The following RSU1 variants were observed in gnomAD, a reference collection of about 807,000 sequenced individuals.
RSU1 encodes rsu-1.
In RSU1, 26 loss-of-function variants were observed where a neutral mutation model predicts 31.1. The ratio of observed to expected loss-of-function variants is 0.84; its 90% CI spans 0.61 to 1.16. The LOEUF (loss-of-function observed/expected upper bound fraction) is 1.16. Ranked by LOEUF, RSU1 falls within the 50% of genes most tolerant of loss-of-function variation. RSU1 has a pLI of 0.00. For synonymous variants in RSU1, 164 were observed against 136.3 expected, an observed-to-expected ratio of 1.20 and a Z score of -1.41; for missense variants, 320 against 339.1, an observed-to-expected ratio of 0.94 and a Z score of 0.44.
chr10:16,731,813 T>A (rs1836517313), intron 7 of RSU1, among the ~76,000 whole-genome samples: 1 of 152,162 alleles, frequency 6.6e-6, no homozygotes, highest in Non-Finnish European at 1.5e-5. Context: ...CTTGCTCATT[T>A]TTTTTTTTCT....
chr10:16,619,749 A>G (rs1346594150), intron 8 of RSU1, among the ~76,000 whole-genome samples: 1 of 152,242 alleles, frequency 6.6e-6, no homozygotes, highest in African/African-American at 2.4e-5. Context: ...TGTTAGCTAT[A>G]TCTATCTCCC....
intron 8 of RSU1, among the ~76,000 whole-genome samples, chr10:16,609,041 C>G (rs1037851306): frequency 6.6e-6 from 1 of 151,202 alleles, no homozygotes; most frequent in East Asian, 1.9e-4. Context: ...CTATATTGCC[C>G]AGGCTAATAT....
At chr10:16,594,787 A>T (rs1429416672) in intron 8 of RSU1, among the ~76,000 whole-genome samples, 5 of 141,118 alleles carry the variant, frequency 3.5e-5, no homozygotes, top group African/African-American at 1.4e-4. Flanking sequence ...ATATATATAT[A>T]TATTTTTTTT....
Position 16,593,266 on chromosome 10 carries a change from A to AAG in RSU1, c.*126_*127dup. 6.8e-7 allele frequency: 1 copy of AAG among 1,476,344 alleles called. No homozygotes were observed. The highest frequency in any genetic ancestry group is 9.0e-7 in the Non-Finnish European group (1 of 1,110,102). The allele number at this position is 1,476,344 out of a possible 1,614,324, so 91.5% of individuals were successfully genotyped here. ...AAAAGGTAAGGTGGGAAGCATTAGAAAGAGAGTGAAAAGAAAAATAAAAAA... is the reference window on the plus strand; with the variant it reads ...AAAAGGTAAGGTGGGAAGCATTAGAAAGAGAGAGTGAAAAGAAAAATAAAAAA... On this transcript the variant is annotated 3_prime_UTR_variant, in exon 9 of 9. Transcript: ENST00000345264.
chr10:16,817,066 T>G lies in RSU1; in HGVS notation c.16A>C (p.Lys6Gln), dbSNP rs755237816. Residue 6 changes from lysine to glutamine, a missense_variant, in exon 2 of 9, where the codon AAG (lysine) becomes CAG (glutamine). Transcript: ENST00000345264. MSKSL[K>Q]KLVEESREKN... ...TCCCGGCTCTCCTCCACCAACTTCT[T>G]CAGAGACTTGGACATGGTCTGCACC... 1 of 1,613,780 alleles carries G rather than the reference T, an allele frequency of 6.2e-7. No individual in the cohort carries two copies. Among genetic ancestry groups the G allele is most frequent in the South Asian group, 1.1e-5 (1 of 91,068 alleles).
rs1468917034 is a variant in RSU1 at position 16,695,059 on chromosome 10, T to C, written c.695A>G (p.His232Arg). The C allele has an allele frequency of 6.2e-7, 1 of 1,610,578 alleles. No individual in the cohort carries two copies. Among genetic ancestry groups the C allele is most frequent in the Non-Finnish European group, 8.5e-7 (1 of 1,178,368 alleles). The part of the protein sequence containing the change: ...IADQFQLGVS[H>R]VFEYIRSETY... ...CTCAGAACGGATATACTCAAAAACA[T>C]GGGACACGCCAAGCTGGAACTGGTC... is the stretch of plus-strand genomic sequence containing the variant. The change falls in exon 8 of 9, where the codon CAT (histidine) becomes CGT (arginine). Residue 232 changes from histidine (H) to arginine (R), a missense_variant. By Grantham distance (29) the His-to-Arg change is conservative (BLOSUM62 0). Coordinates refer to ENST00000345264, the MANE Select transcript of RSU1 (RefSeq NM_012425.4).
rs56715139 is a variant in RSU1, at chr10:16,695,157, T to TG, written c.599-3dup. ...TCTGGCCAGTTAAATCCAAGTTTCC[T>TG]GGGGGGGGGGAAAAAAAAAGTGAAG... On this transcript the variant is annotated splice_polypyrimidine_tract_variant and splice_region_variant and intron_variant, in intron 7 of 8. Coordinates refer to ENST00000345264, the MANE Select transcript of RSU1 (RefSeq NM_012425.4). The TG allele has an allele frequency of 0.073, 83,252 of 1,144,244 alleles. 1,724 individuals are homozygous for TG. The highest frequency in any genetic ancestry group is 0.12 in the East Asian group (3,724 of 30,046). The allele number at this position is 1,144,244 out of a possible 1,614,324, so 70.9% of individuals were successfully genotyped here.
intron 7 of RSU1, among the ~76,000 whole-genome samples, chr10:16,745,891 A>T (rs889984662): frequency 2.0e-5 from 3 of 152,234 alleles, no homozygotes; most frequent in Admixed American, 1.3e-4. Flanking sequence ...GAACCAGTTG[A>T]CAGAATGACA....
chr10:16,713,912 T>C (rs1002433499), intron 7 of RSU1, among the ~76,000 whole-genome samples: 2 of 152,226 alleles, frequency 1.3e-5, no homozygotes, highest in African/African-American at 2.4e-5. Flanking sequence ...CTGGGTGGAC[T>C]CAGTAGCATG....
In RSU1 at chr10:16,785,036, G is replaced by A. The variant is rs150389052; in HGVS notation, c.110-2952C>T. On this transcript the variant is annotated intron_variant, in intron 2 of 8. Transcript: ENST00000345264. ...TTAATACTGAGTGTCAACTTGATTG[G>A]ATTGAAAGATGCTAAGTATTGATCC... Among the ~76,000 whole-genome samples the A allele has an allele frequency of 3.7e-4, 57 of 152,286 alleles. No individual in the cohort carries two copies. The East Asian group carries it at 0.011, about 29-fold the overall frequency.
chr10:16,707,776 T>C (rs117202707), intron 7 of RSU1, among the ~76,000 whole-genome samples: 1 of 152,282 alleles, frequency 6.6e-6, no homozygotes, highest in Non-Finnish European at 1.5e-5. Flanking sequence ...GAAGTCTTGT[T>C]TAAAAAACCC....
chr10:16,648,793 T>G (rs1834626115), intron 8 of RSU1, among the ~76,000 whole-genome samples: 1 of 146,994 alleles, frequency 6.8e-6, no homozygotes, highest in African/African-American at 2.5e-5. Flanking sequence ...AATAAATAAA[T>G]AAATAAATAA....
At chr10:16,775,344 C>A (rs1316592331) in intron 3 of RSU1, among the ~76,000 whole-genome samples, 6 of 152,192 alleles carry the variant, frequency 3.9e-5, no homozygotes, top group African/African-American at 1.2e-4. Flanking sequence ...GTCTTATTTT[C>A]TCCACAGCCT....
intron 7 of RSU1, among the ~76,000 whole-genome samples, chr10:16,706,303 T>C (rs992494687): frequency 2.0e-5 from 3 of 152,224 alleles, no homozygotes; most frequent in Non-Finnish European, 4.4e-5. Context: ...CTAATGGATA[T>C]GAAATTATAT....
intron 8 of RSU1, among the ~76,000 whole-genome samples, chr10:16,676,722 G>T (rs1010324616): frequency 1.3e-5 from 2 of 152,170 alleles, no homozygotes; most frequent in Non-Finnish European, 2.9e-5. Context: ...TTCAGATATG[G>T]TGCCTTTCAG....
At chr10:16,640,573 C>T (rs1257177242) in intron 8 of RSU1, among the ~76,000 whole-genome samples, 1 of 152,252 alleles carries the variant, frequency 6.6e-6, no homozygotes, top group African/African-American at 2.4e-5. Context: ...TTCTGACCTT[C>T]CCTGGGACCA....
intron 8 of RSU1, among the ~76,000 whole-genome samples, chr10:16,624,083 T>A (rs930190335): frequency 2.0e-5 from 3 of 152,080 alleles, no homozygotes; most frequent in Non-Finnish European, 2.9e-5. Context: ...TTGTTCTAGG[T>A]ACAATTTTAT....
intron 7 of RSU1, among the ~76,000 whole-genome samples, chr10:16,725,941 T>C (rs1836384627): frequency 6.6e-6 from 1 of 150,704 alleles, no homozygotes; most frequent in Admixed American, 6.6e-5. Context: ...CAAAAAGCTA[T>C]CAAAACTATT....
chr10:16,762,327 TAC>T (rs1837225457), intron 4 of RSU1, among the ~76,000 whole-genome samples: 1 of 151,134 alleles, frequency 6.6e-6, no homozygotes, highest in East Asian at 1.9e-4. Flanking sequence ...ATATAATGTG[TAC>T]ATATATTTCA....
Sources: allele counts gnomAD v4.1 joint callset (sites outside exome capture counted in the v4.1 genomes callset), GRCh38; gene constraint gnomAD v4.1.1; transcripts MANE v1.5; gene names NCBI Gene and HGNC (gene_info 2026-07-23, HGNC 2026-07-21).